DPYS: variants seen among roughly 807,000 people sequenced by gnomAD.
DPYS encodes dihydropyrimidinase.
In DPYS, 39 loss-of-function variants were observed where a neutral mutation model predicts 50.3. That is an observed-to-expected ratio of 0.78 (90% CI 0.60 to 1.01). The LOEUF (loss-of-function observed/expected upper bound fraction) is 1.01, where lower values mean the gene tolerates loss of function less well. DPYS is among the 50% of genes least tolerant of loss of function. DPYS has a pLI of 0.00. For synonymous variants in DPYS, 245 were observed against 250.7 expected, an observed-to-expected ratio of 0.98 and a Z score of 0.22; for missense variants, 659 against 680.9, an observed-to-expected ratio of 0.97 and a Z score of 0.36.
chr8:104,429,775 T>G, intron 4 of DPYS, 74 bp from the exon 5 acceptor site: 6 of 1,584,076 alleles, frequency 3.8e-6, no homozygotes, highest in Non-Finnish European at 5.2e-6. Context: ...CACATAAATA[T>G]TAATCTTTTC....
chr8:104,425,686 A>G (rs760984388), intron 6 of DPYS, among the ~76,000 whole-genome samples: 4 of 152,190 alleles, frequency 2.6e-5, no homozygotes, highest in Non-Finnish European at 5.9e-5. Flanking sequence ...TTGAAGTTTT[A>G]CATGAACCAA....
At chr8:104,425,962 C>A (rs993556287) in intron 6 of DPYS, among the ~76,000 whole-genome samples, 1 of 152,078 alleles carries the variant, frequency 6.6e-6, no homozygotes, top group African/African-American at 2.4e-5. Flanking sequence ...ACTATTCAGT[C>A]ACTGTAAAGC....
At chr8:104,383,319 G>A (rs1319249531) in intron 8 of DPYS, among the ~76,000 whole-genome samples, 1 of 152,014 alleles carries the variant, frequency 6.6e-6, no homozygotes, top group Non-Finnish European at 1.5e-5. Context: ...AGGAAGCTTT[G>A]GCCCTCTGTC....
At chr8:104,429,939 T>A (rs1395439665) in intron 4 of DPYS, among the ~76,000 whole-genome samples, 1 of 152,194 alleles carries the variant, frequency 6.6e-6, no homozygotes, top group African/African-American at 2.4e-5. Context: ...TCCATTTTTA[T>A]GGCCATATAA....
chr8:104,388,987 G>C (rs1229187248), intron 8 of DPYS, among the ~76,000 whole-genome samples: 1 of 152,114 alleles, frequency 6.6e-6, no homozygotes, highest in East Asian at 1.9e-4. Context: ...TGAAACTATA[G>C]CTTTTGCTCC....
intron 4 of DPYS, among the ~76,000 whole-genome samples, chr8:104,437,969 G>A (rs1354759461): frequency 6.6e-6 from 1 of 152,196 alleles, no homozygotes; most frequent in Non-Finnish European, 1.5e-5. Flanking sequence ...AGGAAACTGT[G>A]CCTTCATAAT....
At chr8:104,451,937 T>C (rs1326134884) in intron 1 of DPYS, among the ~76,000 whole-genome samples, 1 of 152,166 alleles carries the variant, frequency 6.6e-6, no homozygotes, top group Non-Finnish European at 1.5e-5. Context: ...ACCACCCTGG[T>C]CTTAGTTCAG....
intron 7 of DPYS, chr8:104,419,014 CT>C: frequency 1.0e-6 from 1 of 985,446 alleles, no homozygotes; most frequent in African/African-American, 1.7e-5. Flanking sequence ...TTCATTTCAT[CT>C]CTCTAAGAGC....
chr8:104,446,336 AAG>A lies in DPYS; in HGVS notation c.603+986_603+987del, dbSNP rs1312645662. 4.6e-5 allele frequency among the ~76,000 whole-genome samples: 7 copies of A among 152,346 alleles called. No homozygotes were observed. The East Asian group carries it at 1.3e-3, about 29-fold the overall frequency. On this transcript the variant is annotated intron_variant, in intron 3 of 9. Transcript: ENST00000351513. ...TCTTTGAAAAGCAATATCTATATTT[AAG>A]ACAATATTGATTCAGACAAACAAAA... is the stretch of plus-strand genomic sequence containing the variant.
chr8:104,396,925 G>C (rs1359215773), intron 7 of DPYS, among the ~76,000 whole-genome samples: 2 of 151,682 alleles, frequency 1.3e-5, no homozygotes, highest in Non-Finnish European at 2.9e-5. Flanking sequence ...TTTATATTAA[G>C]TCATTATGTA....
At chr8:104,460,967 A>T (rs1814135741) in intron 1 of DPYS, among the ~76,000 whole-genome samples, 2 of 152,076 alleles carry the variant, frequency 1.3e-5, no homozygotes, top group Non-Finnish European at 2.9e-5. Context: ...TTTTCCTCTG[A>T]AATTGACATA....
intron 9 of DPYS, among the ~76,000 whole-genome samples, 161 bp from the exon 10 acceptor site, chr8:104,380,004 C>T (rs1254254002): frequency 2.6e-5 from 4 of 152,174 alleles, no homozygotes; most frequent in Non-Finnish European, 4.4e-5. Flanking sequence ...GCATTCCTTT[C>T]TCTTGCTAAT....
intron 5 of DPYS, chr8:104,429,196 T>G (rs1174349071): frequency 3.5e-5 from 10 of 283,388 alleles, no homozygotes; most frequent in Non-Finnish European, 6.9e-5. Context: ...GTTAACCTAG[T>G]TCCCATATTA....
chr8:104,442,890 T>G (rs1813403707), intron 4 of DPYS, among the ~76,000 whole-genome samples: 2 of 152,156 alleles, frequency 1.3e-5, no homozygotes, highest in Admixed American at 1.3e-4. Context: ...GGCGAGACCC[T>G]GTCTCTACAA....
intron 7 of DPYS, among the ~76,000 whole-genome samples, chr8:104,404,053 A>G (rs1418902748): frequency 1.3e-5 from 2 of 152,190 alleles, no homozygotes; most frequent in Admixed American, 1.3e-4. Context: ...AGGCATAACA[A>G]ATATTTATGG....
chr8:104,384,712 T>A (rs1423206291), intron 8 of DPYS, among the ~76,000 whole-genome samples: 1 of 152,182 alleles, frequency 6.6e-6, no homozygotes, highest in East Asian at 1.9e-4. Flanking sequence ...CAGATGAATA[T>A]GGTGATAATA....
At chr8:104,437,842 C>A (rs369979005) in intron 4 of DPYS, among the ~76,000 whole-genome samples, 9 of 152,088 alleles carry the variant, frequency 5.9e-5, no homozygotes, top group African/African-American at 2.2e-4. Flanking sequence ...AATTTCTGGA[C>A]ATCTAAAATG....
chr8:104,424,014 T>C (rs1812637555), intron 7 of DPYS: 3 of 985,428 alleles, frequency 3.0e-6, no homozygotes, highest in Non-Finnish European at 2.4e-6. Context: ...TGGTTTTATA[T>C]ACAGATCCAT....
At chr8:104,420,058 A>AC (rs35237634) in intron 7 of DPYS, 105,152 of 151,886 alleles carry the variant, frequency 0.69, 37,075 homozygotes, top group African/African-American at 0.8. Context: ...ATGGAACTAG[A>AC]CTCAAGAATA....
Sources: allele counts gnomAD v4.1 joint callset (sites outside exome capture counted in the v4.1 genomes callset), GRCh38; gene constraint gnomAD v4.1.1; transcripts MANE v1.5; gene names NCBI Gene and HGNC (gene_info 2026-07-23, HGNC 2026-07-21).